The following PRRX1 variants were observed in gnomAD, a reference collection of about 807,000 sequenced individuals.
The protein encoded by PRRX1 is paired related homeobox 1, also known as paired mesoderm homeobox protein 1.
In PRRX1, 8 loss-of-function variants were observed where a neutral mutation model predicts 24.0. That is an observed-to-expected ratio of 0.33 (90% CI 0.20 to 0.60). The LOEUF is 0.60. Ranked by LOEUF, PRRX1 falls within the 20% of genes least tolerant of loss-of-function variation. The pLI, the probability that PRRX1 is intolerant of heterozygous loss-of-function variation, is 0.82. For synonymous variants in PRRX1, 160 were observed against 131.7 expected (o/e 1.22, Z -1.47); for missense variants, 281 against 322.4 (o/e 0.87, Z 0.98).
At chr1:170,677,483 A>C (rs1248048669) in intron 1 of PRRX1, among the ~76,000 whole-genome samples, 3 of 152,234 alleles carry the variant, frequency 2.0e-5, no homozygotes, top group Admixed American at 6.5e-5. Context: ...AGCATCTCTG[A>C]CTAGTATGAC....
intron 1 of PRRX1, 92 bp from the exon 2 acceptor site, chr1:170,719,634 G>A (rs1655017241): frequency 3.6e-6 from 5 of 1,379,974 alleles, no homozygotes; most frequent in Non-Finnish European, 4.0e-6. Context: ...AGCAAATGAA[G>A]CAAGATCTCA....
chr1:170,726,551 CAGG>C, intron 3 of PRRX1, 150 bp downstream of exon 3: 1 of 982,156 alleles, frequency 1.0e-6, no homozygotes, highest in Admixed American at 2.5e-5. Flanking sequence ...CACATTTTCC[CAGG>C]AGATTATAAG....
chr1:170,688,098 A>C (rs1653807643), intron 1 of PRRX1, among the ~76,000 whole-genome samples: 1 of 152,210 alleles, frequency 6.6e-6, no homozygotes, highest in Admixed American at 6.5e-5. Context: ...TGACCTCTAA[A>C]TTCATTGTCA....
At chr1:170,692,850 C>T (rs1170062959) in intron 1 of PRRX1, among the ~76,000 whole-genome samples, 1 of 152,034 alleles carries the variant, frequency 6.6e-6, no homozygotes, top group Non-Finnish European at 1.5e-5. Flanking sequence ...GGCTTACCTT[C>T]TGCAGAAAGC....
intron 2 of PRRX1, 115 bp downstream of exon 2, chr1:170,720,016 T>G (rs912729474): frequency 1.4e-6 from 2 of 1,380,624 alleles, no homozygotes; most frequent in East Asian, 2.4e-5. Flanking sequence ...GCCTGCAATC[T>G]CAGCACGTTG....
chr1:170,697,027 A>T (rs1654192678), intron 1 of PRRX1, among the ~76,000 whole-genome samples: 1 of 152,208 alleles, frequency 6.6e-6, no homozygotes, highest in Admixed American at 6.6e-5. Flanking sequence ...TGAACATAGC[A>T]GACCAAACGT....
chr1:170,669,443 A>AAAAAAAAAAAAAAAAAAAAAAAAAAC (rs1653067078), intron 1 of PRRX1: 1 of 146,394 alleles, frequency 6.8e-6, no homozygotes, highest in Non-Finnish European at 1.5e-5. Flanking sequence ...AAAAAAAAAA[A>AAAAAAAAAAAAAAAAAAAAAAAAAAC]AAAAAAAAAA....
At chr1:170,716,322 C>T (rs770083620) in intron 1 of PRRX1, among the ~76,000 whole-genome samples, 28 of 152,298 alleles carry the variant, frequency 1.8e-4, no homozygotes, top group African/African-American at 4.8e-4. Flanking sequence ...CAGTGGCTCA[C>T]GCCTGTAATC....
intron 1 of PRRX1, chr1:170,667,755 G>C (rs1379494241): frequency 1.3e-5 from 2 of 152,214 alleles, no homozygotes; most frequent in Non-Finnish European, 2.9e-5. Context: ...CCTGCGGAGA[G>C]ATGGGGAATA....
At position 170,736,305 on chromosome 1, in the gene PRRX1, C is replaced by T; in HGVS notation, c.*119C>T. 1 of 1,381,598 alleles carries T rather than the reference C, an allele frequency of 7.2e-7. No homozygotes were observed. The highest frequency in any genetic ancestry group is 1.0e-6 in the Non-Finnish European group (1 of 996,126). 85.6% of individuals were successfully genotyped at this position (1,381,598 alleles called of 1,614,324 possible). On this transcript the variant is annotated 3_prime_UTR_variant, in exon 4 of 4. Coordinates refer to ENST00000239461, the MANE Select transcript of PRRX1 (RefSeq NM_022716.4). ...GTAAATTACAAACAAACAAACAAAG[C>T]AGAACTAAAATATTGGGACCATGGC...
rs1009099136 is a variant in PRRX1 at position 170,738,339 on chromosome 1, A to G, written c.*2153A>G. ...CCACCAATCTGAAATTGTATTTCAA[A>G]TGTTGATTCTGTAGTTCTTTAAATA... On this transcript the variant is annotated 3_prime_UTR_variant, in exon 4 of 4. Transcript: ENST00000239461. 4.4e-6 allele frequency: 1 copy of G among 224,892 alleles called. No individual in the cohort carries two copies. The highest frequency in any genetic ancestry group is 2.2e-5 in the African/African-American group (1 of 44,924). The allele number at this position is 224,892 out of a possible 1,614,324, so 13.9% of individuals were successfully genotyped here.
chr1:170,694,588 G>A (rs1654104870), intron 1 of PRRX1, among the ~76,000 whole-genome samples: 1 of 152,056 alleles, frequency 6.6e-6, no homozygotes. Context: ...GACAGAATTA[G>A]GATAGTACTT....
chr1:170,689,839 C>CCCTCT (rs1558049693), intron 1 of PRRX1, among the ~76,000 whole-genome samples: 70 of 91,634 alleles, frequency 7.6e-4, no homozygotes, highest in East Asian at 4.7e-3. Flanking sequence ...TCTCTCTCTC[C>CCCTCT]CTCTCTCTCT....
In PRRX1 at chr1:170,703,596, G is replaced by GT. The variant is rs113880067; in HGVS notation, c.242-16120dup. Among the ~76,000 whole-genome samples, 206 of 149,620 alleles carry GT rather than the reference G, an allele frequency of 1.4e-3. 1 individual carries two copies. Among genetic ancestry groups the GT allele is most frequent in the Middle Eastern group, 3.4e-3 (1 of 290 alleles). The stretch of plus-strand genomic sequence containing the variant: ...TAATAATAATACATTATATAATAGT[G>GT]TTTTTTTTTTAAGTCATCTTACTTG... On this transcript the variant is annotated intron_variant, in intron 1 of 3. Transcript: ENST00000239461.
rs1655621648 is a variant in PRRX1, at chr1:170,736,723, T to C, written c.*537T>C. On this transcript the variant is annotated 3_prime_UTR_variant, in exon 4 of 4. Transcript: ENST00000239461. ...CTGTGCTGGACAGACATAATTCCCT[T>C]TCTCATTGTCTCCATCTTTGTTGGT... The C allele has an allele frequency of 5.2e-6, 1 of 192,510 alleles. No individual in the cohort carries two copies. The highest frequency in any genetic ancestry group is 2.3e-5 in the African/African-American group (1 of 42,742). 11.9% of individuals were successfully genotyped at this position (192,510 alleles called of 1,614,324 possible).
chr1:170,663,997 T>G (rs1403183011), upstream of PRRX1: 1 of 552,768 alleles, frequency 1.8e-6, no homozygotes, highest in East Asian at 2.9e-5. Context: ...AGGCGGCTGG[T>G]GCACAACGCT....
At chr1:170,704,800 C>T (rs1402898861) in intron 1 of PRRX1, among the ~76,000 whole-genome samples, 2 of 152,184 alleles carry the variant, frequency 1.3e-5, no homozygotes, top group African/African-American at 4.8e-5. Context: ...CTTTCACACT[C>T]AGTCTGGAGA....
At chr1:170,697,752 A>C (rs1379698304) in intron 1 of PRRX1, among the ~76,000 whole-genome samples, 1 of 147,518 alleles carries the variant, frequency 6.8e-6, no homozygotes, top group Non-Finnish European at 1.5e-5. Flanking sequence ...ATATATATAC[A>C]TATATAGATA....
chr1:170,730,408 G>A (rs1655399880), intron 3 of PRRX1: 1 of 1,426,728 alleles, frequency 7.0e-7, no homozygotes, highest in Admixed American at 1.7e-5. Context: ...TGGGAATTCA[G>A]AGTGTTTAAG....
Sources: gnomAD v4.1 joint callset for allele counts (sites outside exome capture counted in the v4.1 genomes callset) on GRCh38, gnomAD v4.1.1 for gene constraint, MANE v1.5 for transcripts, NCBI Gene and HGNC (gene_info 2026-07-23, HGNC 2026-07-21) for gene names.